The following SCN11A variants were observed in gnomAD, a reference collection of about 807,000 sequenced individuals.
The protein encoded by SCN11A is sodium voltage-gated channel alpha subunit 11.
SCN11A carries 122 observed loss-of-function variants against 162.2 expected under a neutral mutation model. The ratio of observed to expected loss-of-function variants is 0.75; its 90% CI spans 0.65 to 0.87. The LOEUF (loss-of-function observed/expected upper bound fraction) is 0.87. SCN11A is among the 40% of genes least tolerant of loss of function. SCN11A has a pLI of 0.00. For missense variants in SCN11A, 2,015 were observed against 2,181.6 expected (o/e 0.92, Z 1.52); for synonymous variants, 758 against 751.5 (o/e 1.01, Z -0.14).
intron 2 of SCN11A, among the ~76,000 whole-genome samples, chr3:38,979,792 A>G (rs1056754632): frequency 1.1e-4 from 16 of 152,188 alleles, no homozygotes; most frequent in Admixed American, 9.8e-4. Context: ...ATTCTCTAAC[A>G]GGCACAGTCC....
intron 2 of SCN11A, among the ~76,000 whole-genome samples, chr3:38,998,607 CAT>C (rs1308537034): frequency 3.3e-5 from 5 of 152,256 alleles, no homozygotes; most frequent in East Asian, 1.9e-4. Flanking sequence ...CACATGCACA[CAT>C]ATGTTTATTG....
chr3:39,000,959 C>G (rs967644045), intron 2 of SCN11A, among the ~76,000 whole-genome samples: 1 of 152,100 alleles, frequency 6.6e-6, no homozygotes, highest in East Asian at 1.9e-4. Flanking sequence ...ATTGCTTGAA[C>G]CTGGGAGGCA....
intron 11 of SCN11A, among the ~76,000 whole-genome samples, chr3:38,913,933 C>T (rs1032480452): frequency 6.6e-6 from 1 of 152,092 alleles, no homozygotes; most frequent in African/African-American, 2.4e-5. Context: ...CGTGATGCCT[C>T]CAGCTTTATA....
In SCN11A at chr3:38,946,797, T is replaced by A; in HGVS notation, c.378A>T (p.Ser126=). 1.2e-6 allele frequency: 2 copies of A among 1,604,582 alleles called. No homozygotes were observed. Among genetic ancestry groups the A allele is most frequent in the Non-Finnish European group, 1.7e-6 (2 of 1,171,886 alleles). Residue 126 remains serine (S), a synonymous_variant, in exon 6 of 30, where the codon TCA becomes TCT. Coordinates refer to ENST00000302328, the MANE Select transcript of SCN11A (RefSeq NM_001349253.2). ...NSIRSLAIRV[S]VHSLFSMFII... ...GTGCAATGAAAGGATATGAATGGAC[T>A]GAGACTCTAATGGCTAAACTTCTGA...
chr3:39,043,845 T>C (rs1014107824), intron 1 of SCN11A, among the ~76,000 whole-genome samples: 3 of 152,116 alleles, frequency 2.0e-5, no homozygotes, highest in Non-Finnish European at 4.4e-5. Context: ...ACATTGCTTG[T>C]AATAAAAAGG....
chr3:39,015,619 T>C (rs552551712), intron 2 of SCN11A, among the ~76,000 whole-genome samples: 7 of 152,230 alleles, frequency 4.6e-5, no homozygotes, highest in African/African-American at 4.8e-5. Flanking sequence ...TTCATATATA[T>C]GCAAAATTTT....
Position 38,846,489 on chromosome 3 carries a change from A to C in SCN11A, c.*205T>G. 1 of 564,428 alleles carries C rather than the reference A, an allele frequency of 1.8e-6. No individual in the cohort carries two copies. Among genetic ancestry groups the C allele is most frequent in the Non-Finnish European group, 3.2e-6 (1 of 317,348 alleles). The allele number at this position is 564,428 out of a possible 1,614,324, so 35.0% of individuals were successfully genotyped here. ...TCTTCTTCCTTATTATAATAGTACCACTGGTTGTCAAGTAGCCTTATCTTA... is the reference window on the plus strand; with the variant it reads ...TCTTCTTCCTTATTATAATAGTACCCCTGGTTGTCAAGTAGCCTTATCTTA... On this transcript the variant is annotated 3_prime_UTR_variant, in exon 30 of 30. Coordinates refer to ENST00000302328, the MANE Select transcript of SCN11A (RefSeq NM_001349253.2).
chr3:38,935,566 G>A (rs1040526473), intron 7 of SCN11A, among the ~76,000 whole-genome samples: 1 of 152,010 alleles, frequency 6.6e-6, no homozygotes, highest in Non-Finnish European at 1.5e-5. Context: ...TCCCACAGAA[G>A]TACAAACTAC....
Position 38,891,761 on chromosome 3 carries a change from A to G in SCN11A, c.2835+2772T>C, listed in dbSNP as rs1367934444. Among the ~76,000 whole-genome samples, 4 of 152,202 alleles carry G rather than the reference A, an allele frequency of 2.6e-5. No individual in the cohort carries two copies. The East Asian group carries it at 7.7e-4, about 29-fold the overall frequency. On this transcript the variant is annotated intron_variant, in intron 19 of 29. Coordinates refer to ENST00000302328, the MANE Select transcript of SCN11A (RefSeq NM_001349253.2). ...TTAGGAACCCACTTCCACAGTAACT[A>G]AACTACTCCCACAATAACAGCATTA...
chr3:38,999,769 A>ATG (rs2030752228), intron 2 of SCN11A, among the ~76,000 whole-genome samples: 2 of 152,310 alleles, frequency 1.3e-5, no homozygotes, highest in South Asian at 4.1e-4. Context: ...GACTAGCTTT[A>ATG]TAAGGTTCTG....
At chr3:38,848,196 C>T (rs534228069) in intron 29 of SCN11A, among the ~76,000 whole-genome samples, 1 of 152,314 alleles carries the variant, frequency 6.6e-6, no homozygotes, top group South Asian at 2.1e-4. Flanking sequence ...TGCTGCAAAC[C>T]CCATAAATGT....
chr3:38,945,493 T>A lies in SCN11A; in HGVS notation c.406A>T (p.Ile136Phe). 2 of 1,584,368 alleles carry A rather than the reference T, an allele frequency of 1.3e-6. No individual in the cohort carries two copies. The highest frequency in any genetic ancestry group is 1.7e-6 in the Non-Finnish European group (2 of 1,159,422). The change falls in exon 7 of 30, where the codon ATC (isoleucine) becomes TTC (phenylalanine). Residue 136 changes from isoleucine to phenylalanine, a missense_variant. Coordinates refer to ENST00000302328, the MANE Select transcript of SCN11A (RefSeq NM_001349253.2). ...ACGCAGTTGATGATAACGGTGCCGA[T>A]AATGAACATGCTGAACAATGTGGCC... ...SVHSLFSMFIIGTVIINCVFM... is the reference protein window; with the variant it reads ...SVHSLFSMFIFGTVIINCVFM...
intron 7 of SCN11A, among the ~76,000 whole-genome samples, chr3:38,937,047 G>A (rs1245874485): frequency 6.6e-6 from 1 of 152,126 alleles, no homozygotes; most frequent in Non-Finnish European, 1.5e-5. Context: ...GAACAGAACA[G>A]AGCCCTCAGA....
At chr3:38,895,052 T>G in intron 18 of SCN11A, 88 bp from the exon 19 acceptor site, 1 of 1,212,846 alleles carries the variant, frequency 8.2e-7, no homozygotes, top group East Asian at 2.4e-5. Context: ...TCCCCAAGAC[T>G]AAAAACAGAA....
chr3:38,876,702 T>C (rs72871209), intron 23 of SCN11A, among the ~76,000 whole-genome samples: 5,905 of 151,692 alleles, frequency 0.039, 221 homozygotes, highest in East Asian at 0.16. Flanking sequence ...CAAAAAATGA[T>C]AGATGTTGGC....
chr3:39,038,901 C>T (rs1046276963), intron 1 of SCN11A, among the ~76,000 whole-genome samples: 16 of 152,124 alleles, frequency 1.1e-4, no homozygotes, highest in African/African-American at 3.6e-4. Context: ...ATCATAAGGC[C>T]TTCCCTCCAT....
intron 11 of SCN11A, among the ~76,000 whole-genome samples, chr3:38,913,454 GGTTTTTGTTT>G (rs1377275927): frequency 6.6e-6 from 1 of 151,676 alleles, no homozygotes; most frequent in Non-Finnish European, 1.5e-5. Context: ...ATAGTTTTTT[GGTTTTTGTTT>G]GTTTTTGTTT....
At position 38,938,507 on chromosome 3, in the gene SCN11A, ATCATATAT is replaced by A. The variant is rs1559544721; in HGVS notation, c.488+6896_488+6903del. Among the ~76,000 whole-genome samples the A allele has an allele frequency of 4.8e-3, 513 of 105,788 alleles. 3 individuals are homozygous for A. Among genetic ancestry groups the A allele is most frequent in the Middle Eastern group, 0.01 (2 of 196 alleles). 69.4% of individuals were successfully genotyped at this position (105,788 alleles called of 152,430 possible). On this transcript the variant is annotated intron_variant, in intron 7 of 29. Transcript: ENST00000302328. ...AATAAAAGAAGGCAGAAGGAAAAAT[ATCATATAT>A]ATATATATATATATATATATATATA...
intron 2 of SCN11A, among the ~76,000 whole-genome samples, chr3:38,961,702 T>TA (rs2066742216): frequency 6.6e-6 from 1 of 152,200 alleles, no homozygotes; most frequent in African/African-American, 2.4e-5. Flanking sequence ...GTAGACTCTT[T>TA]AAAAAAATTA....
Sources: gnomAD v4.1 joint callset for allele counts (sites outside exome capture counted in the v4.1 genomes callset) on GRCh38, gnomAD v4.1.1 for gene constraint, MANE v1.5 for transcripts, NCBI Gene and HGNC (gene_info 2026-07-23, HGNC 2026-07-21) for gene names.